GRIK2: variants seen among roughly 807,000 people sequenced by gnomAD.
GRIK2 encodes glutamate receptor ionotropic, kainate 2.
GRIK2 carries 32 observed loss-of-function variants against 100.3 expected under a neutral mutation model. The ratio of observed to expected loss-of-function variants is 0.32; its 90% CI spans 0.24 to 0.43. The LOEUF (loss-of-function observed/expected upper bound fraction) is 0.43, where lower values mean the gene tolerates loss of function less well. GRIK2 is among the 20% of genes least tolerant of loss of function. The pLI is 1.00. For missense variants in GRIK2, 843 were observed against 1,114.9 expected (o/e 0.76, Z 3.47); for synonymous variants, 417 against 389.4 (o/e 1.07, Z -0.83).
intron 2 of GRIK2, among the ~76,000 whole-genome samples, chr6:101,604,148 T>C (rs1779345083): frequency 6.6e-6 from 1 of 151,684 alleles, no homozygotes; most frequent in Admixed American, 6.6e-5. Flanking sequence ...GTAGAAAAGG[T>C]TAGTTACAAA....
At chr6:102,029,682 C>T (rs762634826) in intron 14 of GRIK2, among the ~76,000 whole-genome samples, 27 of 151,152 alleles carry the variant, frequency 1.8e-4, no homozygotes, top group Non-Finnish European at 3.4e-4. Flanking sequence ...TATTTTCAAA[C>T]CAGAGGTCAA....
chr6:101,922,141 C>CTCCCT (rs1554286921), intron 12 of GRIK2, among the ~76,000 whole-genome samples: 3 of 56,454 alleles, frequency 5.3e-5, no homozygotes, highest in Non-Finnish European at 8.0e-5. Flanking sequence ...CCTTCCTTCC[C>CTCCCT]TCCCTTCCTC....
chr6:101,395,142 T>G (rs950661646), intron 1 of GRIK2, among the ~76,000 whole-genome samples: 2 of 151,882 alleles, frequency 1.3e-5, no homozygotes, highest in African/African-American at 4.8e-5. Context: ...GAAGAGTGAG[T>G]TGCAAGTATG....
chr6:101,479,906 A>G (rs1772440630), intron 2 of GRIK2, among the ~76,000 whole-genome samples: 1 of 152,160 alleles, frequency 6.6e-6, no homozygotes, highest in Admixed American at 6.5e-5. Context: ...AAAGACTACA[A>G]ATTTGATAGG....
At chr6:101,485,329 TTCCAG>T (rs1227798018) in intron 2 of GRIK2, among the ~76,000 whole-genome samples, 1 of 152,196 alleles carries the variant, frequency 6.6e-6, no homozygotes, top group East Asian at 1.9e-4. Flanking sequence ...AAGACTGTGA[TTCCAG>T]TCCAGTCCAG....
chr6:101,955,616 C>CTCTCTCTCTCTCT (rs1554292263), intron 14 of GRIK2, among the ~76,000 whole-genome samples: 67 of 135,516 alleles, frequency 4.9e-4, no homozygotes, highest in Non-Finnish European at 7.5e-4. Context: ...CTCTCTCTCT[C>CTCTCTCTCTCTCT]CCCCCCATTT....
At chr6:101,508,803 A>G (rs1286471574) in intron 2 of GRIK2, among the ~76,000 whole-genome samples, 1 of 152,162 alleles carries the variant, frequency 6.6e-6, no homozygotes, top group Non-Finnish European at 1.5e-5. Context: ...GTTTCATTCC[A>G]TCTTTAGGAC....
intron 4 of GRIK2, among the ~76,000 whole-genome samples, chr6:101,634,128 C>T (rs535558403): frequency 6.6e-6 from 1 of 152,114 alleles, no homozygotes; most frequent in African/African-American, 2.4e-5. Flanking sequence ...TAGGGCAACA[C>T]TGGAAGCAGG....
At chr6:101,614,703 C>T (rs974249235) in intron 2 of GRIK2, among the ~76,000 whole-genome samples, 1 of 151,658 alleles carries the variant, frequency 6.6e-6, no homozygotes, top group Non-Finnish European at 1.5e-5. Context: ...ATTGGTATAA[C>T]ATTTGATGGA....
intron 14 of GRIK2, among the ~76,000 whole-genome samples, chr6:101,932,640 G>A (rs567741965): frequency 2.4e-4 from 36 of 150,992 alleles, no homozygotes; most frequent in Non-Finnish European, 4.4e-4. Flanking sequence ...TGTTTTCTTG[G>A]TTCCTGTATG....
At chr6:101,642,733 A>G (rs1781338348) in intron 4 of GRIK2, among the ~76,000 whole-genome samples, 1 of 151,622 alleles carries the variant, frequency 6.6e-6, no homozygotes, top group Non-Finnish European at 1.5e-5. Flanking sequence ...CCTGTTCTCA[A>G]TTCTTTTCAG....
At chr6:101,401,976 A>G (rs549365428) in intron 2 of GRIK2, among the ~76,000 whole-genome samples, 8 of 152,096 alleles carry the variant, frequency 5.3e-5, no homozygotes, top group African/African-American at 9.6e-5. Context: ...CCGCGGCGCT[A>G]TGGCAACGGC....
rs112708841 is a variant in GRIK2 at position 101,854,866 on chromosome 6, A to T, written c.1318-4421A>T. 1.9e-3 allele frequency among the ~76,000 whole-genome samples: 296 copies of T among 152,304 alleles called. 3 individuals carry two copies. Among genetic ancestry groups the T allele is most frequent in the African/African-American group, 6.6e-3 (276 of 41,570 alleles). The stretch of plus-strand genomic sequence containing the variant: ...TAGGAGAGTGAGACAAAAACCCAAT[A>T]GTAAGCCAACAAGTAAAACAATTGA... On this transcript the variant is annotated intron_variant, in intron 10 of 16. Transcript: ENST00000369134.
intron 2 of GRIK2, among the ~76,000 whole-genome samples, chr6:101,413,331 A>C (rs1775970163): frequency 6.6e-6 from 1 of 152,010 alleles, no homozygotes; most frequent in Non-Finnish European, 1.5e-5. Context: ...TATTTACCAG[A>C]CAACAAACAA....
intron 14 of GRIK2, among the ~76,000 whole-genome samples, chr6:101,947,227 C>T (rs1194664921): frequency 6.6e-6 from 1 of 152,018 alleles, no homozygotes; most frequent in Non-Finnish European, 1.5e-5. Context: ...ATTTTTAATA[C>T]TAACAATATG....
At chr6:101,446,519 G>A (rs911885166) in intron 2 of GRIK2, among the ~76,000 whole-genome samples, 1 of 151,552 alleles carries the variant, frequency 6.6e-6, no homozygotes, top group Non-Finnish European at 1.5e-5. Context: ...TATACACTAA[G>A]AACCTTATGG....
chr6:101,839,054 G>A (rs1412527142), intron 10 of GRIK2, among the ~76,000 whole-genome samples: 1 of 151,524 alleles, frequency 6.6e-6, no homozygotes, highest in African/African-American at 2.4e-5. Flanking sequence ...AGTTTTGTTT[G>A]TTTGTTTGTT....
intron 7 of GRIK2, among the ~76,000 whole-genome samples, chr6:101,759,065 A>C (rs1479544299): frequency 6.6e-6 from 1 of 152,192 alleles, no homozygotes; most frequent in East Asian, 1.9e-4. Context: ...ATGATGCTTG[A>C]CAACATGCTG....
At chr6:101,423,145 C>G (rs996769843) in intron 2 of GRIK2, among the ~76,000 whole-genome samples, 1 of 152,170 alleles carries the variant, frequency 6.6e-6, no homozygotes, top group Non-Finnish European at 1.5e-5. Flanking sequence ...CCATCCACCC[C>G]CATTCAGACA....
Sources: gnomAD v4.1 joint callset for allele counts (sites outside exome capture counted in the v4.1 genomes callset) on GRCh38, gnomAD v4.1.1 for gene constraint, MANE v1.5 for transcripts, NCBI Gene and HGNC (gene_info 2026-07-23, HGNC 2026-07-21) for gene names.